Variants in CSRNP3 observed in about 807,000 individuals in gnomAD.
CSRNP3 encodes cysteine and serine rich nuclear protein 3, also known as cysteine/serine-rich nuclear protein 3.
In CSRNP3, 12 loss-of-function variants were observed where a neutral mutation model predicts 48.0. The observed-to-expected ratio is 0.25, with a 90% CI of 0.16 to 0.41. The LOEUF is 0.41. CSRNP3 is among the 10% of genes least tolerant of loss of function. The probability of loss-of-function intolerance (pLI) is 1.00; values close to 1 mark genes in which losing one functional copy is unlikely to be tolerated. For synonymous variants in CSRNP3, 263 were observed against 269.7 expected (o/e 0.98, Z 0.24); for missense variants, 580 against 724.4 (o/e 0.80, Z 2.29).
chr2:165,662,152 A>G lies in CSRNP3; in HGVS notation c.408+4132A>G, dbSNP rs571734528. Among the ~76,000 whole-genome samples, 10 of 149,408 alleles carry G rather than the reference A, an allele frequency of 6.7e-5. No homozygotes were observed. In the South Asian group the frequency reaches 2.1e-3, roughly 31 times the overall value. ...GAAACAAAATAAAGATGTTATTTTG[A>G]AAACAAAATAAAGATGTTATTTTGA... On this transcript the variant is annotated intron_variant, in intron 5 of 6. Transcript: ENST00000651982.
intron 3 of CSRNP3, 36 bp downstream of exon 3, chr2:165,517,997 A>T (rs916186038): frequency 1.3e-5 from 2 of 152,348 alleles, no homozygotes; most frequent in African/African-American, 4.8e-5. Context: ...TCATGCTTTT[A>T]CAGATTTGGG....
intron 3 of CSRNP3, among the ~76,000 whole-genome samples, chr2:165,591,345 AG>A (rs1685714104): frequency 2.0e-5 from 3 of 152,222 alleles, no homozygotes; most frequent in Non-Finnish European, 4.4e-5. Context: ...TAGAGCATAA[AG>A]GTTGGAAAAT....
chr2:165,572,409 T>G (rs1433959181), intron 3 of CSRNP3: 5 of 152,096 alleles, frequency 3.3e-5, no homozygotes, highest in Non-Finnish European at 7.3e-5. Context: ...CTCTTGTTGC[T>G]GAACAATAAA....
intron 4 of CSRNP3, 101 bp downstream of exon 4, chr2:165,595,314 C>G (rs1280210199): frequency 1.8e-6 from 2 of 1,136,172 alleles, no homozygotes; most frequent in East Asian, 4.9e-5. Flanking sequence ...TATATATTTT[C>G]CCATCAACCA....
At chr2:165,485,816 C>T (rs1199702875) in intron 1 of CSRNP3, among the ~76,000 whole-genome samples, 1 of 152,130 alleles carries the variant, frequency 6.6e-6, no homozygotes, top group Non-Finnish European at 1.5e-5. Flanking sequence ...CTTACATTTA[C>T]ATTTTTGTTG....
intron 4 of CSRNP3, among the ~76,000 whole-genome samples, chr2:165,611,283 G>T (rs1558949974): frequency 6.6e-6 from 1 of 152,010 alleles, no homozygotes; most frequent in Non-Finnish European, 1.5e-5. Flanking sequence ...GCAAGTGAGG[G>T]ATAAATGAGA....
chr2:165,686,144 T>C lies in CSRNP3; in HGVS notation c.*6391T>C, dbSNP rs948177588. On this transcript the variant is annotated 3_prime_UTR_variant, in exon 7 of 7. Transcript: ENST00000651982. ...TGTCTTGGGATTATCTTAAAAGGTA[T>C]TTATTAATGAGTATTTGGAAGAAAA... is the stretch of plus-strand genomic sequence containing the variant. 6.6e-6 allele frequency: 1 copy of C among 152,070 alleles called. No individual in the cohort carries two copies. Among genetic ancestry groups the C allele is most frequent in the African/African-American group, 2.4e-5 (1 of 41,430 alleles). The allele number at this position is 152,070 out of a possible 1,614,324, so 9.4% of individuals were successfully genotyped here. A position where few individuals can be genotyped will look rare whatever the true frequency, so the allele number is the denominator to read the frequency against.
chr2:165,541,806 C>A (rs925691285), intron 3 of CSRNP3, among the ~76,000 whole-genome samples: 4 of 152,098 alleles, frequency 2.6e-5, no homozygotes, highest in Non-Finnish European at 5.9e-5. Flanking sequence ...GCCTTGATCA[C>A]CCCAGTGTAG....
intron 3 of CSRNP3, among the ~76,000 whole-genome samples, chr2:165,592,037 A>G (rs1685726101): frequency 6.6e-6 from 1 of 152,234 alleles, no homozygotes; most frequent in Non-Finnish European, 1.5e-5. Flanking sequence ...AGCCCGTAAA[A>G]GCAGCCAGGA....
chr2:165,665,217 G>A (rs1687158939), intron 5 of CSRNP3, among the ~76,000 whole-genome samples: 1 of 152,098 alleles, frequency 6.6e-6, no homozygotes, highest in Admixed American at 6.5e-5. Flanking sequence ...GCCAGGGTGC[G>A]CCACTGCTAC....
intron 3 of CSRNP3, among the ~76,000 whole-genome samples, chr2:165,519,231 G>C (rs1223433419): frequency 1.3e-5 from 2 of 151,964 alleles, no homozygotes; most frequent in Non-Finnish European, 2.9e-5. Context: ...GAATATAGTT[G>C]TGCAATCACC....
chr2:165,524,199 A>G (rs1684702227), intron 3 of CSRNP3, among the ~76,000 whole-genome samples: 1 of 152,202 alleles, frequency 6.6e-6, no homozygotes, highest in Admixed American at 6.5e-5. Context: ...AGTGTCTGAT[A>G]AAAGAGACAA....
chr2:165,489,914 T>G (rs1684179298), intron 1 of CSRNP3, among the ~76,000 whole-genome samples: 1 of 149,356 alleles, frequency 6.7e-6, no homozygotes, highest in Admixed American at 6.7e-5. Context: ...CTCTCACCGC[T>G]CCTATTCAAC....
intron 1 of CSRNP3, among the ~76,000 whole-genome samples, chr2:165,486,881 A>G (rs2105453237): frequency 2.0e-5 from 1 of 51,246 alleles, no homozygotes; most frequent in Non-Finnish European, 3.6e-5. Context: ...TCTAAAACGC[A>G]GAGCGCCTCT....
At chr2:165,627,364 CT>C (rs2105323520) in intron 4 of CSRNP3, among the ~76,000 whole-genome samples, 1 of 152,148 alleles carries the variant, frequency 6.6e-6, no homozygotes, top group African/African-American at 2.4e-5. Context: ...ACCTGAAATC[CT>C]TTGCTATCTC....
At position 165,684,487 on chromosome 2, in the gene CSRNP3, G is replaced by C. The variant is rs78104281; in HGVS notation, c.*4734G>C. The C allele has an allele frequency of 6.6e-6, 1 of 152,092 alleles. No individual in the cohort carries two copies. The allele number at this position is 152,092 out of a possible 1,614,324, so 9.4% of individuals were successfully genotyped here. A position where few individuals can be genotyped will look rare whatever the true frequency, so the allele number is the denominator to read the frequency against. On this transcript the variant is annotated 3_prime_UTR_variant, in exon 7 of 7. Transcript: ENST00000651982. ...AGCACCTTTGTGCTTTCAAAGGCAA[G>C]ACTTGTCTGTAATTTTAAATTAGAA...
At chr2:165,515,338 C>CATATATATATATAT (rs60927595) in intron 2 of CSRNP3, among the ~76,000 whole-genome samples, 169 of 142,432 alleles carry the variant, frequency 1.2e-3, no homozygotes, top group African/African-American at 2.9e-3. Context: ...AAAAAAAATA[C>CATATATATATATAT]ATATATATAT....
At chr2:165,612,299 T>G (rs1366306070) in intron 4 of CSRNP3, among the ~76,000 whole-genome samples, 1 of 152,072 alleles carries the variant, frequency 6.6e-6, no homozygotes, top group Non-Finnish European at 1.5e-5. Flanking sequence ...CTATATGACC[T>G]GCATTAATTT....
chr2:165,579,683 A>G (rs1438763261), intron 3 of CSRNP3, among the ~76,000 whole-genome samples: 2 of 152,228 alleles, frequency 1.3e-5, no homozygotes, highest in Admixed American at 6.5e-5. Context: ...TGTGTGAATC[A>G]TGAAGTGATC....
Sources: gnomAD v4.1 joint callset for allele counts (sites outside exome capture counted in the v4.1 genomes callset) on GRCh38, gnomAD v4.1.1 for gene constraint, MANE v1.5 for transcripts, NCBI Gene and HGNC (gene_info 2026-07-23, HGNC 2026-07-21) for gene names.